Variants in AFDN observed in about 807,000 individuals in gnomAD.
AFDN encodes the protein afadin.
AFDN carries 68 observed loss-of-function variants against 216.6 expected under a neutral mutation model. The observed-to-expected ratio is 0.31, with a 90% CI of 0.26 to 0.38. The LOEUF is 0.38. AFDN is among the 10% of genes least tolerant of loss of function. AFDN has a pLI of 1.00. For missense variants in AFDN, 2,136 were observed against 2,342.0 expected (o/e 0.91, Z 1.82); for synonymous variants, 868 against 853.7 (o/e 1.02, Z -0.29).
rs745822720 is a variant in AFDN at position 167,946,921 on chromosome 6, G to C, written c.3553+20G>C. ...TAGCAAGTAAGAGTGACACTTTTTTGCTTCCTAAGTACACTTGTGATCACA... is the reference window on the plus strand; with the variant it reads ...TAGCAAGTAAGAGTGACACTTTTTTCCTTCCTAAGTACACTTGTGATCACA... On this transcript the variant is annotated intron_variant, in intron 27 of 33. Transcript: ENST00000683244. 7 of 1,598,540 alleles carry C rather than the reference G, an allele frequency of 4.4e-6. 1 individual carries two copies. Among genetic ancestry groups the C allele is most frequent in the Non-Finnish European group, 6.0e-6 (7 of 1,174,340 alleles).
intron 30 of AFDN, among the ~76,000 whole-genome samples, chr6:167,960,622 C>T (rs1468981857): frequency 1.3e-5 from 2 of 152,182 alleles, no homozygotes; most frequent in African/African-American, 2.4e-5. Flanking sequence ...AATATTCTCA[C>T]TTGCTTTATT....
At chr6:167,900,416 T>G (rs2076550123) in intron 11 of AFDN, among the ~76,000 whole-genome samples, 2 of 152,224 alleles carry the variant, frequency 1.3e-5, no homozygotes. Context: ...TTTACAATTA[T>G]CAAGTACCCA....
chr6:167,923,727 G>A (rs569618345), intron 22 of AFDN, among the ~76,000 whole-genome samples: 1 of 150,102 alleles, frequency 6.7e-6, no homozygotes, highest in South Asian at 2.1e-4. Context: ...GGGTTCAAGC[G>A]ATTCTCCTGC....
At chr6:167,915,537 T>C (rs1790946253) in intron 19 of AFDN, 104 bp downstream of exon 19, 8 of 1,358,282 alleles carry the variant, frequency 5.9e-6, no homozygotes, top group Admixed American at 2.7e-5. Context: ...ATACCCTCTT[T>C]TTGGGGTTTT....
chr6:167,946,942 T>G (rs773579041), intron 27 of AFDN, 41 bp downstream of exon 27: 43 of 1,552,430 alleles, frequency 2.8e-5, no homozygotes, highest in Non-Finnish European at 3.4e-5. Context: ...ACACTTGTGA[T>G]CACAGTCTGA....
At chr6:167,893,509 T>C (rs1209909067) in intron 8 of AFDN, among the ~76,000 whole-genome samples, 1 of 152,126 alleles carries the variant, frequency 6.6e-6, no homozygotes, top group East Asian at 1.9e-4. Flanking sequence ...TATTTCGTTC[T>C]TTGCTTTGGA....
chr6:167,864,686 C>T lies in AFDN; in HGVS notation c.241C>T (p.Pro81Ser), dbSNP rs1783974430. ...CGAAACGCTCGCGGAGAAATTTCGA[C>T]CTGATATGCGAATGCTGTCCTCTCC... ...VIETLAEKFRPDMRMLSSPKY... is the reference protein window; with the variant it reads ...VIETLAEKFRSDMRMLSSPKY... Residue 81 changes from proline (P) to serine (S), a missense_variant, in exon 2 of 34, where the codon CCT becomes TCT. By Grantham distance (74) the Pro-to-Ser change is moderately conservative. Coordinates refer to ENST00000683244, the MANE Select transcript of AFDN (RefSeq NM_001386888.1). 1 of 1,614,056 alleles carries T rather than the reference C, an allele frequency of 6.2e-7. No homozygotes were observed. Among genetic ancestry groups the T allele is most frequent in the East Asian group, 2.2e-5 (1 of 44,890 alleles).
intron 1 of AFDN, among the ~76,000 whole-genome samples, chr6:167,831,065 C>T (rs1779780257): frequency 6.7e-6 from 1 of 148,534 alleles, no homozygotes; most frequent in Non-Finnish European, 1.5e-5. Flanking sequence ...CCTCAGCTAC[C>T]TGAGTAGCTG....
intron 23 of AFDN, among the ~76,000 whole-genome samples, chr6:167,942,054 A>G (rs531592357): frequency 2.6e-5 from 4 of 152,306 alleles, no homozygotes; most frequent in African/African-American, 9.6e-5. Flanking sequence ...TTGACCTGCT[A>G]CAGGCGTTTT....
chr6:167,918,527 C>T (rs896084093), intron 20 of AFDN, among the ~76,000 whole-genome samples: 11 of 152,072 alleles, frequency 7.2e-5, no homozygotes, highest in Non-Finnish European at 1.0e-4. Context: ...AAAATGTGTG[C>T]GGCCCAGAGT....
At chr6:167,916,411 G>C (rs1791071409) in intron 19 of AFDN, among the ~76,000 whole-genome samples, 1 of 152,152 alleles carries the variant, frequency 6.6e-6, no homozygotes, top group African/African-American at 2.4e-5. Flanking sequence ...CCAGTGGACT[G>C]TAAATATCCT....
At chr6:167,862,347 A>T (rs1385273830) in intron 1 of AFDN, among the ~76,000 whole-genome samples, 1 of 151,344 alleles carries the variant, frequency 6.6e-6, no homozygotes, top group Non-Finnish European at 1.5e-5. Context: ...GTGTAGGAGC[A>T]TGTTTCGCAT....
intron 2 of AFDN, 92 bp from the exon 3 acceptor site, chr6:167,870,294 A>G (rs904736881): frequency 9.7e-6 from 7 of 725,268 alleles, no homozygotes; most frequent in African/African-American, 5.4e-5. Context: ...TGCTTTGTCT[A>G]TAAAATTAAA....
chr6:167,960,036 C>G (rs1796888251), intron 30 of AFDN, among the ~76,000 whole-genome samples: 1 of 152,146 alleles, frequency 6.6e-6, no homozygotes. Context: ...TTAAAATATC[C>G]TTTAAGTGTT....
At chr6:167,872,166 T>C (rs2128253837) in intron 3 of AFDN, 48 bp from the exon 4 acceptor site, 1 of 1,553,156 alleles carries the variant, frequency 6.4e-7, no homozygotes, top group South Asian at 1.2e-5. Context: ...GGCAATTTTA[T>C]GTGATTCTGC....
intron 30 of AFDN, chr6:167,952,424 C>CT (rs1796100314): frequency 1.0e-6 from 1 of 985,300 alleles, no homozygotes; most frequent in African/African-American, 1.7e-5. Context: ...TCAAATGGAA[C>CT]TTGATTGTTT....
chr6:167,962,842 A>C lies in AFDN; in HGVS notation c.4968+275A>C. 2 of 1,268,522 alleles carry C rather than the reference A, an allele frequency of 1.6e-6. No homozygotes were observed. Among genetic ancestry groups the C allele is most frequent in the Non-Finnish European group, 2.0e-6 (2 of 1,001,398 alleles). 78.6% of individuals were successfully genotyped at this position (1,268,522 alleles called of 1,614,324 possible). A position where few individuals can be genotyped will look rare whatever the true frequency, so the allele number is the denominator to read the frequency against. On this transcript the variant is annotated intron_variant, in intron 31 of 33. Coordinates refer to ENST00000683244, the MANE Select transcript of AFDN (RefSeq NM_001386888.1). This position sits in a 1 kb window ranked among gnomAD's most constrained non-coding sequence, Gnocchi z 5.2. ...GTGTGTAGCAGTGAGCCTCTTTGCA[A>C]AGGGTTCGTTTCCTCGGGCACTCAT... is the stretch of plus-strand genomic sequence containing the variant.
intron 6 of AFDN, 94 bp downstream of exon 6, chr6:167,880,611 C>T: frequency 8.1e-7 from 1 of 1,242,058 alleles, no homozygotes; most frequent in Non-Finnish European, 1.2e-6. Context: ...TTCAGCCTAC[C>T]ATATCATTTA....
chr6:167,926,052 A>G (rs567014357), intron 23 of AFDN, among the ~76,000 whole-genome samples: 1 of 152,366 alleles, frequency 6.6e-6, no homozygotes, highest in South Asian at 2.1e-4. Flanking sequence ...GCCTTGAGAA[A>G]TATTTTAATT....
Sources: allele counts gnomAD v4.1 joint callset (sites outside exome capture counted in the v4.1 genomes callset), GRCh38; gene constraint gnomAD v4.1.1; non-coding constraint Gnocchi (gnomAD v3.1); transcripts MANE v1.5; gene names NCBI Gene and HGNC (gene_info 2026-07-23, HGNC 2026-07-21).